The following DLG2 variants were observed in gnomAD, a reference collection of about 807,000 sequenced individuals.
DLG2 encodes the protein disks large homolog 2.
Under a neutral mutation model 132.5 loss-of-function variants are expected in DLG2, and 45 were observed. The ratio of observed to expected loss-of-function variants is 0.34; its 90% confidence interval spans 0.27 to 0.44. The LOEUF (loss-of-function observed/expected upper bound fraction) is 0.44. DLG2 is among the 20% of genes least tolerant of loss of function. The pLI is 1.00. For missense variants in DLG2, 1,045 were observed against 1,196.9 expected (o/e 0.87, Z 1.87); for synonymous variants, 424 against 419.6 (o/e 1.01, Z -0.13).
At chr11:85,087,629 G>C (rs2068108732) in intron 6 of DLG2, among the ~76,000 whole-genome samples, 1 of 151,758 alleles carries the variant, frequency 6.6e-6, no homozygotes, top group Non-Finnish European at 1.5e-5. Context: ...ATGAGGTCAG[G>C]AGATCGAGAC....
chr11:85,380,499 A>G (rs2085792321), intron 3 of DLG2, among the ~76,000 whole-genome samples: 1 of 152,154 alleles, frequency 6.6e-6, no homozygotes, highest in Non-Finnish European at 1.5e-5. Context: ...GTCTCTACTA[A>G]AAATACAAAA....
chr11:83,476,113 G>C (rs1351845357), intron 22 of DLG2, among the ~76,000 whole-genome samples: 2 of 151,994 alleles, frequency 1.3e-5, no homozygotes, highest in Non-Finnish European at 1.5e-5. Flanking sequence ...AGATGATGGA[G>C]TTGAAGACCA....
intron 6 of DLG2, among the ~76,000 whole-genome samples, chr11:84,933,393 G>C (rs747798793): frequency 1.4e-4 from 21 of 152,004 alleles, no homozygotes; most frequent in Non-Finnish European, 2.6e-4. Context: ...GTTTTTTCTA[G>C]TTCTGTGAAG....
intron 18 of DLG2, among the ~76,000 whole-genome samples, chr11:83,724,489 G>GTGTC (rs2089563304): frequency 2.0e-5 from 3 of 146,622 alleles, no homozygotes; most frequent in Admixed American, 1.3e-4. Flanking sequence ...GAGAGAGAGA[G>GTGTC]AGAGAGAGAG....
At chr11:85,466,725 G>C (rs1180411557) in intron 3 of DLG2, among the ~76,000 whole-genome samples, 2 of 152,170 alleles carry the variant, frequency 1.3e-5, no homozygotes, top group Admixed American at 1.3e-4. Flanking sequence ...TTGTAGTATA[G>C]TTTGAAGTCA....
intron 19 of DLG2, among the ~76,000 whole-genome samples, chr11:83,601,265 G>A (rs1336498096): frequency 2.0e-5 from 3 of 152,158 alleles, no homozygotes; most frequent in Non-Finnish European, 4.4e-5. Flanking sequence ...CCATGCCGAA[G>A]AGTTGGGGGC....
At chr11:83,751,505 G>C (rs956709445) in intron 18 of DLG2, among the ~76,000 whole-genome samples, 8 of 152,180 alleles carry the variant, frequency 5.3e-5, no homozygotes, top group African/African-American at 1.4e-4. Context: ...ACCATTAGGA[G>C]TCAGTTGCAT....
intron 18 of DLG2, among the ~76,000 whole-genome samples, chr11:83,721,346 C>A (rs558252365): frequency 6.6e-6 from 1 of 152,276 alleles, no homozygotes; most frequent in African/African-American, 2.4e-5. Flanking sequence ...TTCCAGTCCC[C>A]CAACAACACA....
At chr11:84,283,576 A>G (rs1431634833) in intron 7 of DLG2, among the ~76,000 whole-genome samples, 1 of 152,218 alleles carries the variant, frequency 6.6e-6, no homozygotes, top group Non-Finnish European at 1.5e-5. Context: ...GTGATCAGTA[A>G]TTATATAAGG....
At chr11:84,517,301 G>A (rs982900334) in intron 7 of DLG2, among the ~76,000 whole-genome samples, 16 of 151,274 alleles carry the variant, frequency 1.1e-4, no homozygotes, top group Non-Finnish European at 1.8e-4. Flanking sequence ...ATAACTCAAC[G>A]GAAAGAAAAC....
intron 6 of DLG2, among the ~76,000 whole-genome samples, chr11:84,684,161 T>C (rs1474212697): frequency 6.6e-6 from 1 of 152,220 alleles, no homozygotes; most frequent in Non-Finnish European, 1.5e-5. Flanking sequence ...TTTTCTACTT[T>C]GGCTACAATA....
rs1340709087 is a variant in DLG2, at chr11:83,816,813, TTTTG to T, written c.1722+16797_1722+16800del. 7.2e-5 allele frequency among the ~76,000 whole-genome samples: 11 copies of T among 152,314 alleles called. No homozygotes were observed. In the South Asian group the frequency reaches 2.1e-3, roughly 29 times the overall value. On this transcript the variant is annotated intron_variant, in intron 17 of 27. Coordinates refer to ENST00000376104, the MANE Select transcript of DLG2 (RefSeq NM_001142699.3). ...TTGCTATACAAAAGATATAACTACATTTTGTTTGTTTCTCATTTTGATTTTTGAG... is the reference window on the plus strand; with the variant it reads ...TTGCTATACAAAAGATATAACTACATTTTGTTTCTCATTTTGATTTTTGAG...
At chr11:85,437,693 T>C (rs2091564321) in intron 3 of DLG2, among the ~76,000 whole-genome samples, 1 of 152,188 alleles carries the variant, frequency 6.6e-6, no homozygotes, top group Admixed American at 6.5e-5. Context: ...AATCATTTGT[T>C]TTTTAACTAG....
chr11:85,428,089 T>G (rs535519971), intron 3 of DLG2, among the ~76,000 whole-genome samples: 1 of 152,330 alleles, frequency 6.6e-6, no homozygotes, highest in African/African-American at 2.4e-5. Context: ...ATCCTAAATA[T>G]GCATGCACCC....
chr11:84,123,626 A>AGT (rs1354096421), intron 9 of DLG2, among the ~76,000 whole-genome samples: 3 of 152,202 alleles, frequency 2.0e-5, no homozygotes, highest in Non-Finnish European at 4.4e-5. Flanking sequence ...CAGAGTCTCC[A>AGT]GTGTGATGCT....
chr11:83,766,091 A>T (rs993668093), intron 18 of DLG2, among the ~76,000 whole-genome samples: 1 of 143,306 alleles, frequency 7.0e-6, no homozygotes, highest in African/African-American at 2.8e-5. Flanking sequence ...GATTCCACTG[A>T]ATGCTTTTTT....
intron 7 of DLG2, among the ~76,000 whole-genome samples, chr11:84,360,597 C>T (rs1368752737): frequency 1.3e-5 from 2 of 151,914 alleles, no homozygotes; most frequent in African/African-American, 2.4e-5. Flanking sequence ...AAATACGGGA[C>T]TCAAACAGAG....
intron 7 of DLG2, among the ~76,000 whole-genome samples, chr11:84,311,732 T>A (rs557844336): frequency 1.3e-5 from 2 of 152,258 alleles, no homozygotes; most frequent in Admixed American, 1.3e-4. Flanking sequence ...CTCATCAAGG[T>A]CCACCCGGCT....
At chr11:85,272,052 G>C (rs1242995024) in intron 4 of DLG2, among the ~76,000 whole-genome samples, 1 of 152,168 alleles carries the variant, frequency 6.6e-6, no homozygotes, top group Non-Finnish European at 1.5e-5. Context: ...ATCTTGAATT[G>C]TAGTTCCCAT....
Sources: allele counts gnomAD v4.1 joint callset (sites outside exome capture counted in the v4.1 genomes callset), GRCh38; gene constraint gnomAD v4.1.1; transcripts MANE v1.5; gene names NCBI Gene and HGNC (gene_info 2026-07-23, HGNC 2026-07-21).